The following CALM2 variants were observed in gnomAD, a reference collection of about 807,000 sequenced individuals.
CALM2 encodes calmodulin-2.
A neutral mutation model predicts 19.8 loss-of-function variants in CALM2; 2 were observed. The ratio of observed to expected loss-of-function variants is 0.10; its 90% CI spans 0.04 to 0.32. The LOEUF is 0.32. CALM2 is among the 10% of genes least tolerant of loss of function. CALM2 has a pLI of 1.00. For synonymous variants in CALM2, 51 were observed against 52.1 expected (o/e 0.98, Z 0.09); for missense variants, 38 against 178.7 (o/e 0.21, Z 4.49).
At chr2:47,164,056 T>C (rs1471277028) in intron 2 of CALM2, 1 of 151,434 alleles carries the variant, frequency 6.6e-6, no homozygotes, top group Non-Finnish European at 1.5e-5. Context: ...GCTAACACGG[T>C]GAAACCCCAT....
chr2:47,173,685 G>A (rs1482716446), intron 1 of CALM2: 1 of 152,168 alleles, frequency 6.6e-6, no homozygotes, highest in East Asian at 1.9e-4. Flanking sequence ...GAGCCCATAG[G>A]CTTGAAATGG....
At chr2:47,164,841 C>T (rs1666412072) in intron 2 of CALM2, among the ~76,000 whole-genome samples, 1 of 152,112 alleles carries the variant, frequency 6.6e-6, no homozygotes, top group African/African-American at 2.4e-5. Flanking sequence ...TCTTTACGGT[C>T]CAAGGCCAAT....
intron 2 of CALM2, chr2:47,167,536 A>C (rs1666516662): frequency 5.2e-6 from 1 of 191,430 alleles, no homozygotes; most frequent in African/African-American, 2.4e-5. Context: ...TCTCCTAAAA[A>C]TACAAAAACT....
intron 2 of CALM2, 178 bp from the exon 3 acceptor site, chr2:47,162,840 A>T (rs1687197378): frequency 1.3e-5 from 7 of 520,178 alleles, no homozygotes; most frequent in Non-Finnish European, 2.1e-5. Context: ...AAAAACTTTT[A>T]ACGGAAAAAT....
chr2:47,164,347 AACACACACACACACACACACACAC>A lies in CALM2; in HGVS notation c.35-1709_35-1686del, dbSNP rs61085424. The stretch of plus-strand genomic sequence containing the variant: ...GCCTGTAGTCCCCCGTCTCTACTAA[AACACACACACACACACACACACAC>A]ACACACACACACACACGCTGGGTGT... On this transcript the variant is annotated intron_variant, in intron 2 of 5. Transcript: ENST00000272298. 5.8e-4 allele frequency among the ~76,000 whole-genome samples: 81 copies of A among 139,808 alleles called. 1 individual carries two copies. Among genetic ancestry groups the A allele is most frequent in the South Asian group, 2.0e-3 (9 of 4,430 alleles). The allele number at this position is 139,808 out of a possible 152,430, so 91.7% of individuals were successfully genotyped here. A position where few individuals can be genotyped will look rare whatever the true frequency, so the allele number is the denominator to read the frequency against.
rs1666876166 is a variant in CALM2, at chr2:47,176,472, C to A, written c.-29G>T. ...GCAAGCGCTACCGGTTTCCGAGACG[C>A]GACCACACAACCACTCAGCTCGCTC... On this transcript the variant is annotated 5_prime_UTR_variant, in exon 1 of 6. Coordinates refer to ENST00000272298, the MANE Select transcript of CALM2 (RefSeq NM_001743.6). 3 of 1,613,732 alleles carry A rather than the reference C, an allele frequency of 1.9e-6. No homozygotes were observed. In the South Asian group the frequency reaches 3.3e-5, roughly 18 times the overall value.
chr2:47,167,814 C>CCTTTTTTTTTTTTTTTTTTTT (rs775532408), intron 2 of CALM2: 1 of 96,482 alleles, frequency 1.0e-5, no homozygotes, highest in African/African-American at 5.6e-5. Flanking sequence ...TTTTTCTTTT[C>CCTTTTTTTTTTTTTTTTTTTT]TTTGAGACAG....
intron 5 of CALM2, 35 bp from the exon 6 acceptor site, chr2:47,160,839 T>G: frequency 1.4e-6 from 1 of 710,298 alleles, no homozygotes; most frequent in Non-Finnish European, 1.9e-6. Flanking sequence ...AATGAGTCAA[T>G]AGCAAAAGAC....
intron 1 of CALM2, chr2:47,171,116 C>A: frequency 5.3e-6 from 1 of 189,926 alleles, no homozygotes. Flanking sequence ...GCTTCAGGCT[C>A]ACAAAATGAA....
At chr2:47,167,972 T>C (rs1239829479) in intron 2 of CALM2, among the ~76,000 whole-genome samples, 4 of 151,482 alleles carry the variant, frequency 2.6e-5, no homozygotes, top group Admixed American at 2.6e-4. Context: ...ATTGCCTTCA[T>C]CTCAAAGGTA....
At chr2:47,172,118 G>T (rs1666688747) in intron 1 of CALM2, 1 of 105,484 alleles carries the variant, frequency 9.5e-6, no homozygotes, top group South Asian at 2.5e-4. Context: ...ACAAATATTT[G>T]GTGTGAAGTC....
At chr2:47,175,085 T>TC (rs1558702444) in intron 1 of CALM2, among the ~76,000 whole-genome samples, 3 of 130,566 alleles carry the variant, frequency 2.3e-5, no homozygotes, top group African/African-American at 1.2e-4. Flanking sequence ...TTAGGTGTTT[T>TC]TTTTTTTTTT....
At chr2:47,170,417 C>G (rs3729968) in intron 2 of CALM2, among the ~76,000 whole-genome samples, 2 of 151,798 alleles carry the variant, frequency 1.3e-5, no homozygotes, top group East Asian at 3.8e-4. Context: ...TTAGCTAGCC[C>G]AGAATTCCTG....
intron 1 of CALM2, among the ~76,000 whole-genome samples, chr2:47,174,966 G>A (rs575243790): frequency 6.6e-6 from 1 of 152,052 alleles, no homozygotes; most frequent in South Asian, 2.1e-4. Flanking sequence ...CAGTTGGCAA[G>A]GATCCCTAAC....
intron 2 of CALM2, among the ~76,000 whole-genome samples, chr2:47,169,195 C>A (rs533984352): frequency 6.6e-6 from 1 of 152,100 alleles, no homozygotes; most frequent in African/African-American, 2.4e-5. Context: ...GGTACCTGTA[C>A]CTGACTGGGA....
At chr2:47,166,935 CAA>C (rs1666495382) in intron 2 of CALM2, among the ~76,000 whole-genome samples, 1 of 152,168 alleles carries the variant, frequency 6.6e-6, no homozygotes, top group South Asian at 2.1e-4. Flanking sequence ...ATCTATTACT[CAA>C]GTTTTATTTG....
chr2:47,166,167 A>G (rs1573220836), intron 2 of CALM2, among the ~76,000 whole-genome samples: 1 of 152,222 alleles, frequency 6.6e-6, no homozygotes, highest in Non-Finnish European at 1.5e-5. Flanking sequence ...ACAATTGATA[A>G]AGACATTTCA....
At chr2:47,164,546 G>A (rs1666394374) in intron 2 of CALM2, among the ~76,000 whole-genome samples, 3 of 150,986 alleles carry the variant, frequency 2.0e-5, no homozygotes, top group Non-Finnish European at 1.5e-5. Context: ...GCAGTGAGCC[G>A]AGATCACACC....
At chr2:47,174,330 C>G (rs1233776412) in intron 1 of CALM2, 2 of 152,172 alleles carry the variant, frequency 1.3e-5, no homozygotes, top group Non-Finnish European at 2.9e-5. Context: ...TAGCTCACTA[C>G]AGTCTCCAAC....
Sources: allele counts gnomAD v4.1 joint callset (sites outside exome capture counted in the v4.1 genomes callset), GRCh38; gene constraint gnomAD v4.1.1; transcripts MANE v1.5; gene names NCBI Gene and HGNC (gene_info 2026-07-23, HGNC 2026-07-21).